TJP1: variants seen among roughly 807,000 people sequenced by gnomAD.
The protein encoded by TJP1 is tight junction protein 1, also known as tight junction protein ZO-1.
In TJP1, 43 loss-of-function variants were observed where a neutral mutation model predicts 194.2. That is an observed-to-expected ratio of 0.22 (90% CI 0.17 to 0.29). TJP1 has a LOEUF of 0.29. Ranked by LOEUF, TJP1 falls within the 10% of genes least tolerant of loss-of-function variation. The pLI, the probability that TJP1 is intolerant of heterozygous loss-of-function variation, is 1.00. For missense variants in TJP1, 1,971 were observed against 2,185.7 expected (o/e 0.90, Z 1.96); for synonymous variants, 801 against 779.0 (o/e 1.03, Z -0.47).
chr15:29,717,987 GT>G, intron 22 of TJP1, 33 bp downstream of exon 22: 1 of 1,567,506 alleles, frequency 6.4e-7, no homozygotes, highest in Non-Finnish European at 8.7e-7. Flanking sequence ...TTCCTGGTCA[GT>G]TCTATGCCAC....
intron 1 of TJP1, among the ~76,000 whole-genome samples, chr15:29,816,029 G>A (rs1314810993): frequency 1.5e-5 from 2 of 134,374 alleles, no homozygotes; most frequent in Admixed American, 7.5e-5. Flanking sequence ...TTTTTTTTTT[G>A]AGACAGACTC....
chr15:29,914,024 T>C (rs2054104280), intron 2 of TJP1, among the ~76,000 whole-genome samples: 1 of 152,146 alleles, frequency 6.6e-6, no homozygotes, highest in Admixed American at 6.5e-5. Flanking sequence ...TCTCATGGCA[T>C]TAGGAAACCT....
chr15:29,700,686 G>C lies in TJP1; in HGVS notation c.*909C>G. The C allele has an allele frequency of 3.3e-6, 1 of 300,900 alleles. No homozygotes were observed. The highest frequency in any genetic ancestry group is 5.8e-6 in the Non-Finnish European group (1 of 171,420). The allele number at this position is 300,900 out of a possible 1,614,324, so 18.6% of individuals were successfully genotyped here. On this transcript the variant is annotated 3_prime_UTR_variant, in exon 28 of 28. Coordinates refer to ENST00000614355, the MANE Select transcript of TJP1 (RefSeq NM_001330239.4). ...AAACATCAAAATTTTCAAATGCATA[G>C]CCAGAAAGAACAGAAAACCACCACT...
intron 2 of TJP1, among the ~76,000 whole-genome samples, chr15:29,855,269 C>T (rs1238765721): frequency 1.3e-5 from 2 of 152,226 alleles, no homozygotes; most frequent in Admixed American, 1.3e-4. Flanking sequence ...GATTGAGTAA[C>T]TGTAAGGTAC....
intron 2 of TJP1, among the ~76,000 whole-genome samples, chr15:29,860,023 A>G (rs116986458): frequency 0.015 from 2,260 of 151,732 alleles, 25 homozygotes; most frequent in Non-Finnish European, 0.021. Context: ...CACTTCCTCA[A>G]ACAGGAGCTG....
At chr15:29,700,058 G>A (rs913401251), downstream of TJP1, 1 of 377,052 alleles carries the variant, frequency 2.7e-6, no homozygotes, top group Non-Finnish European at 4.7e-6. Context: ...GGTAGGTGAC[G>A]CTGGGTGATA....
intron 2 of TJP1, among the ~76,000 whole-genome samples, chr15:29,910,723 TC>T (rs1444526184): frequency 1.3e-5 from 2 of 152,154 alleles, no homozygotes; most frequent in African/African-American, 4.8e-5. Context: ...CAAAATTGCT[TC>T]CCCAATAACT....
chr15:29,919,645 G>C (rs1441079149), intron 2 of TJP1, among the ~76,000 whole-genome samples: 3 of 152,182 alleles, frequency 2.0e-5, no homozygotes, highest in South Asian at 2.1e-4. Context: ...GTGCAGTGAG[G>C]GAGAGAGCCC....
intron 8 of TJP1, among the ~76,000 whole-genome samples, chr15:29,750,623 T>G (rs1370881454): frequency 6.6e-6 from 1 of 152,178 alleles, no homozygotes; most frequent in Non-Finnish European, 1.5e-5. Flanking sequence ...TACTTCTAGC[T>G]CTATGAACAC....
rs200532892 is a variant in TJP1 at position 29,724,933 on chromosome 15, T to TA, written c.2412+1445dup. 4.0e-3 allele frequency among the ~76,000 whole-genome samples: 602 copies of TA among 152,302 alleles called. 1 individual carries two copies. The highest frequency in any genetic ancestry group is 0.014 in the African/African-American group (579 of 41,576). On this transcript the variant is annotated intron_variant, in intron 18 of 27. Coordinates refer to ENST00000614355, the MANE Select transcript of TJP1 (RefSeq NM_001330239.4). ...ATAGAAAATTAAGATTTGTGGATTT[T>TA]AAAAAAGCCTCTCAGATACTACAAA...
At chr15:29,939,422 G>A (rs868254286) in intron 2 of TJP1, among the ~76,000 whole-genome samples, 20 of 152,166 alleles carry the variant, frequency 1.3e-4, no homozygotes, top group South Asian at 2.1e-4. Flanking sequence ...GAGTCTCTCT[G>A]CGAATGCTTC....
rs1462943564 is a variant in TJP1, at chr15:29,773,354, G to C, written c.88C>G (p.Pro30Ala). The C allele has an allele frequency of 6.2e-7, 1 of 1,613,076 alleles. No homozygotes were observed. Among genetic ancestry groups the C allele is most frequent in the African/African-American group, 1.3e-5 (1 of 74,842 alleles). Residue 30 changes from proline to alanine, a missense_variant, in exon 3 of 28, where the codon CCT becomes GCT. Physicochemically the swap from Pro to Ala is conservative, Grantham distance 27. Coordinates refer to ENST00000614355, the MANE Select transcript of TJP1 (RefSeq NM_001330239.4). Reference sequence around the variant, plus strand: ...ATTGCAATTCCAAATCCAAATCCAGGAGCCTAAAGTAAAAATTACAGTAAA... The same window carrying C: ...ATTGCAATTCCAAATCCAAATCCAGCAGCCTAAAGTAAAAATTACAGTAAA... ...EQHTVTLHRA[P>A]GFGFGIAISG...
chr15:29,842,683 A>G (rs2051268208), intron 2 of TJP1, among the ~76,000 whole-genome samples: 1 of 152,196 alleles, frequency 6.6e-6, no homozygotes, highest in Non-Finnish European at 1.5e-5. Context: ...TTATTCAAGA[A>G]CCTGCTGTAA....
intron 2 of TJP1, among the ~76,000 whole-genome samples, chr15:29,955,760 A>AAAAAAAAAAAC: frequency 7.1e-6 from 1 of 141,132 alleles, no homozygotes; most frequent in Non-Finnish European, 1.6e-5. Flanking sequence ...CTTTAAAAAA[A>AAAAAAAAAAAC]AAAAAAAAAA....
At chr15:29,717,914 C>A in intron 22 of TJP1, 107 bp downstream of exon 22, 1 of 871,564 alleles carries the variant, frequency 1.1e-6, no homozygotes. Flanking sequence ...ACAAACTCCT[C>A]CTATTCACAC....
At chr15:29,918,566 C>T (rs1457328048) in intron 2 of TJP1, among the ~76,000 whole-genome samples, 1 of 151,694 alleles carries the variant, frequency 6.6e-6, no homozygotes. Flanking sequence ...GAAACCCCAT[C>T]ATTACAAAAA....
At chr15:29,797,991 T>C (rs908828528) in intron 2 of TJP1, among the ~76,000 whole-genome samples, 15 of 152,330 alleles carry the variant, frequency 9.8e-5, no homozygotes, top group African/African-American at 3.4e-4. Flanking sequence ...ACCCACTGAA[T>C]GGCAATTGGT....
intron 27 of TJP1, among the ~76,000 whole-genome samples, 185 bp downstream of exon 27, chr15:29,703,977 T>C (rs958043402): frequency 1.3e-5 from 2 of 152,200 alleles, no homozygotes; most frequent in Admixed American, 6.5e-5. Context: ...GAAAGTCTTC[T>C]ACCTTTCCAT....
In TJP1 at chr15:29,720,005, A is replaced by G; in HGVS notation, c.2775T>C (p.Ala925=). The change falls in exon 20 of 28, where the codon GCT becomes GCC. Residue 925 remains alanine (A), a synonymous_variant. Coordinates refer to ENST00000614355, the MANE Select transcript of TJP1 (RefSeq NM_001330239.4). ...GCGAAAGGTAAGGGACTGGAGATGAAGCTTCTGCTTTCTGTGAAGTGTTTA... is the reference window on the plus strand; with the variant it reads ...GCGAAAGGTAAGGGACTGGAGATGAGGCTTCTGCTTTCTGTGAAGTGTTTA... ...FKPASQQKAE[A]SSPVPYLSPE... is the part of the protein sequence containing the mutation. 6.2e-7 allele frequency: 1 copy of G among 1,606,264 alleles called. No homozygotes were observed.
Sources: allele counts gnomAD v4.1 joint callset (sites outside exome capture counted in the v4.1 genomes callset), GRCh38; gene constraint gnomAD v4.1.1; transcripts MANE v1.5; gene names NCBI Gene and HGNC (gene_info 2026-07-23, HGNC 2026-07-21).